AHI1: variants seen among roughly 807,000 people sequenced by gnomAD.
AHI1 encodes Abelson helper integration site 1, also known as jouberin.
A neutral mutation model predicts 149.3 loss-of-function variants in AHI1; 123 were observed. The observed-to-expected ratio is 0.82, with a 90% CI of 0.71 to 0.96. AHI1 has a LOEUF of 0.96. Among genes scored for constraint, AHI1 ranks in the 40% least tolerant of loss-of-function variants. AHI1 has a pLI of 0.00. For missense variants in AHI1, 1,439 were observed against 1,422.7 expected (o/e 1.01, Z -0.18); for synonymous variants, 475 against 459.8 (o/e 1.03, Z -0.42).
intron 5 of AHI1, among the ~76,000 whole-genome samples, chr6:135,488,064 T>A (rs1794729361): frequency 6.6e-6 from 1 of 152,192 alleles, no homozygotes; most frequent in Non-Finnish European, 1.5e-5. Context: ...TTGGATTTAG[T>A]GTTTTTACAG....
chr6:135,442,550 A>G, intron 14 of AHI1, 32 bp downstream of exon 14: 1 of 1,576,908 alleles, frequency 6.3e-7, no homozygotes, highest in Non-Finnish European at 8.6e-7. Context: ...CGTGGACTAC[A>G]ATCAGATTAA....
chr6:135,428,177 C>T (rs1547080), intron 19 of AHI1, among the ~76,000 whole-genome samples: 125,383 of 151,508 alleles, frequency 0.83, 54,109 homozygotes, highest in East Asian at 0.96. Context: ...AAAAACTGAA[C>T]TGCAGTATTT....
chr6:135,405,859 C>CAAAAAAAAAAAAAAAGA (rs1554321199), intron 21 of AHI1, among the ~76,000 whole-genome samples: 7 of 29,234 alleles, frequency 2.4e-4, no homozygotes, highest in Non-Finnish European at 3.8e-4. Flanking sequence ...GACTCCAACT[C>CAAAAAAAAAAAAAAAGA]AAAAAAAAAA....
rs572963105 is a variant in AHI1 at position 135,302,775 on chromosome 6, GGAA to G, written c.3427-2220_3427-2218del. 1,248 of 1,288,806 alleles carry G rather than the reference GGAA, an allele frequency of 9.7e-4. 10 individuals are homozygous for G. In the African/African-American group the frequency reaches 0.016, roughly 16 times the overall value. The allele number at this position is 1,288,806 out of a possible 1,614,324, so 79.8% of individuals were successfully genotyped here. ...GTTACTCATGGAGGCAGAAGCAGGGGGAAGAAGGAGGTGTCTCTGTGAGCTGTT... is the reference window on the plus strand; with the variant it reads ...GTTACTCATGGAGGCAGAAGCAGGGGGAAGGAGGTGTCTCTGTGAGCTGTT... On this transcript the variant is annotated intron_variant, in intron 26 of 28. Transcript: ENST00000265602.
intron 23 of AHI1, among the ~76,000 whole-genome samples, chr6:135,388,691 T>C (rs372737823): frequency 4.6e-5 from 7 of 152,190 alleles, no homozygotes; most frequent in African/African-American, 1.7e-4. Context: ...GTATATACTT[T>C]CAAAGACACA....
At chr6:135,358,267 G>T in intron 23 of AHI1, 80 bp from the exon 24 acceptor site, 1 of 1,244,840 alleles carries the variant, frequency 8.0e-7, no homozygotes. Context: ...CATTTTATTG[G>T]AAAAACATTT....
chr6:135,291,965 A>G (rs920866796), intron 27 of AHI1, among the ~76,000 whole-genome samples: 1 of 152,224 alleles, frequency 6.6e-6, no homozygotes, highest in Non-Finnish European at 1.5e-5. Flanking sequence ...TGGATGACTC[A>G]TCTAAAGGAG....
At chr6:135,317,245 C>A (rs1041918638) in intron 26 of AHI1, among the ~76,000 whole-genome samples, 3 of 151,824 alleles carry the variant, frequency 2.0e-5, no homozygotes, top group African/African-American at 7.3e-5. Flanking sequence ...CCCTGAATTA[C>A]GTCCTTCAGG....
intron 5 of AHI1, among the ~76,000 whole-genome samples, chr6:135,478,435 T>TG (rs1016271318): frequency 1.2e-4 from 19 of 152,274 alleles, no homozygotes; most frequent in South Asian, 2.1e-4. Context: ...ACTGTGACCC[T>TG]GCTCTAGAGA....
At chr6:135,321,540 C>T (rs988274075) in intron 25 of AHI1, among the ~76,000 whole-genome samples, 1 of 152,104 alleles carries the variant, frequency 6.6e-6, no homozygotes, top group Non-Finnish European at 1.5e-5. Flanking sequence ...GTGCCAAAGA[C>T]AGATAATTTT....
intron 23 of AHI1, among the ~76,000 whole-genome samples, chr6:135,394,429 T>C (rs1778930920): frequency 6.6e-6 from 1 of 152,068 alleles, no homozygotes; most frequent in African/African-American, 2.4e-5. Context: ...TGGCTTTCCT[T>C]GAAATGAATT....
At chr6:135,406,267 T>C (rs1780783641) in intron 21 of AHI1, among the ~76,000 whole-genome samples, 1 of 152,208 alleles carries the variant, frequency 6.6e-6, no homozygotes, top group South Asian at 2.1e-4. Flanking sequence ...AAATCTGGAA[T>C]ACCTATTAAT....
intron 18 of AHI1, 131 bp downstream of exon 18, chr6:135,429,751 T>C (rs1784389664): frequency 2.0e-6 from 1 of 501,268 alleles, no homozygotes; most frequent in African/African-American, 2.0e-5. Flanking sequence ...AATCTCCAGA[T>C]ACTGCCAGAT....
chr6:135,283,638 A>T lies in AHI1; in HGVS notation c.*2007T>A, dbSNP rs1238280728. 1 of 152,124 alleles carries T rather than the reference A, an allele frequency of 6.6e-6. No individual in the cohort carries two copies. Among genetic ancestry groups the T allele is most frequent in the Non-Finnish European group, 1.5e-5 (1 of 68,036 alleles). 9.4% of individuals were successfully genotyped at this position (152,124 alleles called of 1,614,324 possible). A position where few individuals can be genotyped will look rare whatever the true frequency, so the allele number is the denominator to read the frequency against. ...CTATTGCTTGGAGGGCACTGTCATG[A>T]TCTCCCCCACCCCATCTCATCTCAG... is the stretch of plus-strand genomic sequence containing the variant. On this transcript the variant is annotated 3_prime_UTR_variant, in exon 29 of 29. Coordinates refer to ENST00000265602, the MANE Select transcript of AHI1 (RefSeq NM_001134831.2).
chr6:135,399,045 G>A (rs372559896), intron 22 of AHI1, among the ~76,000 whole-genome samples: 38 of 152,124 alleles, frequency 2.5e-4, no homozygotes, highest in African/African-American at 8.0e-4. Flanking sequence ...TTAGCTGGGC[G>A]TGGCAGTGCA....
intron 26 of AHI1, among the ~76,000 whole-genome samples, chr6:135,303,847 C>A (rs1239157549): frequency 1.3e-5 from 2 of 152,144 alleles, no homozygotes; most frequent in Non-Finnish European, 2.9e-5. Context: ...CCCCCAGATC[C>A]CTGAGGAATA....
chr6:135,483,685 T>A (rs1794065256), intron 5 of AHI1, among the ~76,000 whole-genome samples: 2 of 152,210 alleles, frequency 1.3e-5, no homozygotes, highest in Admixed American at 6.5e-5. Context: ...TGTAAAATAA[T>A]AAGCAGTTTA....
chr6:135,422,723 C>T (rs947928056), intron 20 of AHI1, among the ~76,000 whole-genome samples: 32 of 151,674 alleles, frequency 2.1e-4, no homozygotes, highest in African/African-American at 7.7e-4. Context: ...CTCCTGGCCT[C>T]AAGCGATCCT....
rs541849858 is a variant in AHI1, at chr6:135,483,356, C to T, written c.135+7267G>A. ...AAAGATATTATTAATACCTAGGAAA[C>T]CATGAAGATTTTCTACCCTTTTAAA... On this transcript the variant is annotated intron_variant, in intron 5 of 28. Coordinates refer to ENST00000265602, the MANE Select transcript of AHI1 (RefSeq NM_001134831.2). 8.5e-5 allele frequency among the ~76,000 whole-genome samples: 13 copies of T among 152,140 alleles called. No homozygotes were observed. In the South Asian group the frequency reaches 2.7e-3, roughly 32 times the overall value.
Sources: gnomAD v4.1 joint callset for allele counts (sites outside exome capture counted in the v4.1 genomes callset) on GRCh38, gnomAD v4.1.1 for gene constraint, MANE v1.5 for transcripts, NCBI Gene and HGNC (gene_info 2026-07-23, HGNC 2026-07-21) for gene names.